The following FER1L6 variants were observed in gnomAD, a reference collection of about 807,000 sequenced individuals.
FER1L6 encodes the protein fer-1 like family member 6.
FER1L6 carries 177 observed loss-of-function variants against 219.2 expected under a neutral mutation model. That is an observed-to-expected ratio of 0.81 (90% confidence interval 0.71 to 0.91). The LOEUF (loss-of-function observed/expected upper bound fraction) is 0.91, where lower values mean the gene tolerates loss of function less well. Ranked by LOEUF, FER1L6 falls within the 40% of genes least tolerant of loss-of-function variation. The pLI, the probability that FER1L6 is intolerant of heterozygous loss-of-function variation, is 0.00. For synonymous variants in FER1L6, 768 were observed against 824.3 expected, an observed-to-expected ratio of 0.93 and a Z score of 1.17; for missense variants, 2,153 against 2,259.9, an observed-to-expected ratio of 0.95 and a Z score of 0.96.
intron 1 of FER1L6, among the ~76,000 whole-genome samples, chr8:123,946,080 T>C (rs1207703699): frequency 1.3e-5 from 2 of 152,144 alleles, no homozygotes; most frequent in African/African-American, 4.8e-5. Flanking sequence ...GTTGTAGGGG[T>C]GTTCATGCTT....
intron 1 of FER1L6, among the ~76,000 whole-genome samples, chr8:123,944,537 A>G (rs1243864757): frequency 6.6e-6 from 1 of 151,840 alleles, no homozygotes; most frequent in Non-Finnish European, 1.5e-5. Flanking sequence ...TTTCTTTCAT[A>G]TGCCAGGAGG....
chr8:123,882,988 G>A (rs561424103), intron 1 of FER1L6, among the ~76,000 whole-genome samples: 2 of 152,084 alleles, frequency 1.3e-5, no homozygotes, highest in Admixed American at 1.3e-4. Context: ...GGGGGTTGGG[G>A]GTGTGTAGGA....
At chr8:124,116,078 T>C (rs1330562927) in intron 39 of FER1L6, among the ~76,000 whole-genome samples, 1 of 152,222 alleles carries the variant, frequency 6.6e-6, no homozygotes, top group Non-Finnish European at 1.5e-5. Context: ...CTTTTTTTCT[T>C]CCAGAACAAG....
chr8:124,094,780 C>T (rs2130958412), intron 34 of FER1L6, 116 bp from the exon 35 acceptor site: 3 of 1,203,614 alleles, frequency 2.5e-6, no homozygotes, highest in East Asian at 2.3e-5. Context: ...AACCACTGCA[C>T]CCAGCCCCTT....
intron 1 of FER1L6, among the ~76,000 whole-genome samples, chr8:123,899,816 GT>G (rs755852714): frequency 1.6e-4 from 25 of 152,012 alleles, no homozygotes; most frequent in Non-Finnish European, 3.2e-4. Context: ...AAGTATTTGG[GT>G]TTATTTCCGA....
intron 19 of FER1L6, among the ~76,000 whole-genome samples, chr8:124,039,118 CCT>C (rs142540082): frequency 0.017 from 2,606 of 152,252 alleles, 78 homozygotes; most frequent in African/African-American, 0.059. Context: ...GTCCTTTACC[CCT>C]GTGTTCCTTG....
At chr8:123,992,711 G>T (rs1586563095) in intron 12 of FER1L6, among the ~76,000 whole-genome samples, 2 of 151,770 alleles carry the variant, frequency 1.3e-5, no homozygotes, top group African/African-American at 4.8e-5. Flanking sequence ...ATTTAGTTTT[G>T]CTTTTATCTT....
At chr8:124,001,602 A>T (rs776029653) in intron 12 of FER1L6, among the ~76,000 whole-genome samples, 5 of 152,228 alleles carry the variant, frequency 3.3e-5, no homozygotes, top group Non-Finnish European at 5.9e-5. Flanking sequence ...GGATATTATT[A>T]TGCCTCTCTC....
chr8:124,090,191 C>T (rs1821968948), intron 33 of FER1L6, among the ~76,000 whole-genome samples: 2 of 152,184 alleles, frequency 1.3e-5, no homozygotes, highest in African/African-American at 2.4e-5. Flanking sequence ...CTATATCCTT[C>T]ATGGAATGAT....
intron 17 of FER1L6, among the ~76,000 whole-genome samples, chr8:124,022,587 C>T (rs1366134746): frequency 6.6e-6 from 1 of 152,168 alleles, no homozygotes. Flanking sequence ...TAAAATGGAA[C>T]TAAAATATCT....
intron 1 of FER1L6, among the ~76,000 whole-genome samples, chr8:123,859,970 CTAT>C (rs199891284): frequency 2.3e-4 from 27 of 117,966 alleles, no homozygotes; most frequent in South Asian, 1.5e-3. Flanking sequence ...ATTATTATTA[CTAT>C]TATTATTATT....
At chr8:123,929,276 C>T (rs565228313) in intron 1 of FER1L6, among the ~76,000 whole-genome samples, 1 of 152,242 alleles carries the variant, frequency 6.6e-6, no homozygotes, top group East Asian at 1.9e-4. Flanking sequence ...GCAGGGCTTT[C>T]GTTTGGTGCT....
chr8:124,001,579 CCTT>C (rs1817412455), intron 12 of FER1L6, among the ~76,000 whole-genome samples: 1 of 152,182 alleles, frequency 6.6e-6, no homozygotes, highest in Admixed American at 6.5e-5. Context: ...CTCTAAGTCT[CCTT>C]CTTTTTCTAG....
In FER1L6 at chr8:124,082,264, T is replaced by C. The variant is rs527945616; in HGVS notation, c.4221-24T>C. 2.7e-5 allele frequency: 43 copies of C among 1,599,522 alleles called. 1 individual carries two copies. Among genetic ancestry groups the C allele is most frequent in the Non-Finnish European group, 3.7e-5 (43 of 1,172,190 alleles). ...TGTGTCACCAAATGTTAACTGACTCTTGAAGTCTCTGCTTGGACCGCAGGT... is the reference window on the plus strand; with the variant it reads ...TGTGTCACCAAATGTTAACTGACTCCTGAAGTCTCTGCTTGGACCGCAGGT... On this transcript the variant is annotated intron_variant, in intron 32 of 40. Coordinates refer to ENST00000522917, the MANE Select transcript of FER1L6 (RefSeq NM_001039112.2).
intron 33 of FER1L6, among the ~76,000 whole-genome samples, chr8:124,083,439 A>G (rs981267973): frequency 5.9e-5 from 9 of 152,244 alleles, no homozygotes; most frequent in East Asian, 1.9e-4. Flanking sequence ...ATTCTTCTGC[A>G]TATGGATATC....
chr8:123,907,019 T>C (rs1812966735), intron 1 of FER1L6, among the ~76,000 whole-genome samples: 1 of 152,168 alleles, frequency 6.6e-6, no homozygotes, highest in Non-Finnish European at 1.5e-5. Flanking sequence ...GTCCACACAG[T>C]GGTTGTCTAG....
At chr8:124,100,046 G>A (rs779115018) in intron 37 of FER1L6, among the ~76,000 whole-genome samples, 1 of 152,088 alleles carries the variant, frequency 6.6e-6, no homozygotes, top group Non-Finnish European at 1.5e-5. Flanking sequence ...CATCACAAAT[G>A]TATTGGTTGA....
rs1392792316 is a variant in FER1L6 at position 124,076,396 on chromosome 8, G to A, written c.4220+71G>A. On this transcript the variant is annotated intron_variant, in intron 32 of 40. Coordinates refer to ENST00000522917, the MANE Select transcript of FER1L6 (RefSeq NM_001039112.2). ...CTCCTGCTGTGTTTCTGTGGGGATA[G>A]TGCGTGTATGTTTGTGTTCCTGGGT... The A allele has an allele frequency of 5.0e-6, 7 of 1,403,108 alleles. No homozygotes were observed. The East Asian group carries it at 9.2e-5, about 18-fold the overall frequency. 86.9% of individuals were successfully genotyped at this position (1,403,108 alleles called of 1,614,324 possible).
intron 15 of FER1L6, among the ~76,000 whole-genome samples, chr8:124,014,758 A>T (rs888977576): frequency 6.6e-6 from 1 of 152,186 alleles, no homozygotes; most frequent in Admixed American, 6.5e-5. Context: ...AAAAAAAGAT[A>T]AAAAATAGGG....
Sources: gnomAD v4.1 joint callset for allele counts (sites outside exome capture counted in the v4.1 genomes callset) on GRCh38, gnomAD v4.1.1 for gene constraint, MANE v1.5 for transcripts, NCBI Gene and HGNC (gene_info 2026-07-23, HGNC 2026-07-21) for gene names.